Variants in SYNE1 observed in about 807,000 individuals in gnomAD.
SYNE1 encodes the protein spectrin repeat containing nuclear envelope protein 1.
In SYNE1, 616 loss-of-function variants were observed where a neutral mutation model predicts 1,111.0. The ratio of observed to expected loss-of-function variants is 0.55; its 90% CI spans 0.52 to 0.59. SYNE1 has a LOEUF of 0.59. Ranked by LOEUF, SYNE1 falls within the 20% of genes least tolerant of loss-of-function variation. SYNE1 has a pLI of 0.00. For synonymous variants in SYNE1, 3,855 were observed against 3,825.8 expected (o/e 1.01, Z -0.28); for missense variants, 10,006 against 10,417.0 (o/e 0.96, Z 1.72).
chr6:152,580,818 C>T (rs1008723551), intron 3 of SYNE1, among the ~76,000 whole-genome samples: 2 of 152,082 alleles, frequency 1.3e-5, no homozygotes, highest in African/African-American at 2.4e-5. Flanking sequence ...CCAAAATTCC[C>T]GATCCTCAAA....
intron 8 of SYNE1, 39 bp downstream of exon 8, chr6:152,510,154 T>C: frequency 1.2e-6 from 2 of 1,602,036 alleles, no homozygotes; most frequent in South Asian, 2.2e-5. Flanking sequence ...CATAACTCAA[T>C]TTAACGGTTT....
In SYNE1 at chr6:152,471,732, G is replaced by T. The variant is rs758555741; in HGVS notation, c.1497C>A (p.His499Gln). The T allele has an allele frequency of 6.2e-7, 1 of 1,613,832 alleles. No homozygotes were observed. The highest frequency in any genetic ancestry group is 8.5e-7 in the Non-Finnish European group (1 of 1,179,822). The part of the protein sequence containing the change: ...FHFVSSTSEL[H>Q]LMKMEFLELK... ...ATTCTAAAAATTCCATTTTCATTAGGTGTAGCTCTGATGTGGAGGAAACAA... is the reference window on the plus strand; with the variant it reads ...ATTCTAAAAATTCCATTTTCATTAGTTGTAGCTCTGATGTGGAGGAAACAA... The change falls in exon 16 of 146, where the codon CAC becomes CAA. Residue 499 changes from histidine (H) to glutamine (Q), a missense_variant. Physicochemically the swap from His to Gln is conservative, Grantham distance 24 (BLOSUM62 0). Around this residue, in one of 7 missense-constraint regions of SYNE1, gnomAD observed 1,971 missense variants for 2,084.1 expected, o/e 0.95. Transcript: ENST00000367255.
rs764155010 is a variant in SYNE1, at chr6:152,262,181, G to A, written c.18823C>T (p.Pro6275Ser). The change falls in exon 101 of 146, where the codon CCT (proline) becomes TCT (serine). Residue 6275 changes from proline to serine, a missense_variant. Pro to Ser is a moderately conservative substitution (Grantham distance 74). Around this residue, in one of 7 missense-constraint regions of SYNE1, gnomAD observed 2,182 missense variants for 2,287.8 expected, o/e 0.95. Transcript: ENST00000367255. ...AETSGDAGEK[P>S]DVLSQELGME... ...CCCAACTCCTGGGATAACACATCAGGTTTTTCGCTATTAGAAGAATAAATA... is the reference window on the plus strand; with the variant it reads ...CCCAACTCCTGGGATAACACATCAGATTTTTCGCTATTAGAAGAATAAATA... 8 of 1,613,530 alleles carry A rather than the reference G, an allele frequency of 5.0e-6. No individual in the cohort carries two copies. In the Admixed American group the frequency reaches 8.3e-5, roughly 17 times the overall value.
intron 135 of SYNE1, among the ~76,000 whole-genome samples, chr6:152,150,113 A>G (rs2060151180): frequency 6.6e-6 from 1 of 152,250 alleles, no homozygotes; most frequent in Non-Finnish European, 1.5e-5. Flanking sequence ...CATGACTAAG[A>G]GAAGCCATCC....
At chr6:152,610,013 G>A (rs2099626800) in intron 3 of SYNE1, among the ~76,000 whole-genome samples, 1 of 152,122 alleles carries the variant, frequency 6.6e-6, no homozygotes, top group South Asian at 2.1e-4. Flanking sequence ...AAAGACAAAG[G>A]TAGATAAAAC....
chr6:152,468,133 T>C lies in SYNE1; in HGVS notation c.1633-2055A>G, dbSNP rs148506944. ...CATACTTATTTTTGGTATTTAACTT[T>C]AGTGTTAGTGACCGCATTTCTACTT... is the stretch of plus-strand genomic sequence containing the variant. On this transcript the variant is annotated intron_variant, in intron 16 of 145. Coordinates refer to ENST00000367255, the MANE Select transcript of SYNE1 (RefSeq NM_182961.4). Among the ~76,000 whole-genome samples, 59 of 152,292 alleles carry C rather than the reference T, an allele frequency of 3.9e-4. No homozygotes were observed. The East Asian group carries it at 0.011, about 29-fold the overall frequency.
intron 76 of SYNE1, chr6:152,335,224 G>A (rs1467981241): frequency 6.6e-6 from 1 of 152,098 alleles, no homozygotes; most frequent in Non-Finnish European, 1.5e-5. Flanking sequence ...ACTGATATAT[G>A]AAATTTTGTC....
At chr6:152,325,342 G>A in intron 80 of SYNE1, 40 bp from the exon 81 acceptor site, 6 of 1,592,622 alleles carry the variant, frequency 3.8e-6, no homozygotes, top group Non-Finnish European at 5.2e-6. Flanking sequence ...GGAGACAAGG[G>A]AGAGATCAAT....
At chr6:152,155,144 C>T in intron 132 of SYNE1, 102 bp from the exon 133 acceptor site, 1 of 1,438,060 alleles carries the variant, frequency 7.0e-7, no homozygotes, top group Non-Finnish European at 9.7e-7. Flanking sequence ...CCCACAGAGG[C>T]AACTGTTGTG....
At chr6:152,453,290 A>C (rs1305979253) in intron 25 of SYNE1, 1 of 588,478 alleles carries the variant, frequency 1.7e-6, no homozygotes, top group African/African-American at 1.9e-5. Flanking sequence ...AAGCTTATGA[A>C]ATGTTGCTAG....
chr6:152,379,740 CACA>C (rs1303209546), intron 56 of SYNE1, among the ~76,000 whole-genome samples: 2 of 152,202 alleles, frequency 1.3e-5, no homozygotes, highest in Non-Finnish European at 2.9e-5. Flanking sequence ...AACTATTTAA[CACA>C]ACTGAAAACC....
intron 128 of SYNE1, among the ~76,000 whole-genome samples, chr6:152,187,055 T>C (rs1182826898): frequency 6.6e-6 from 1 of 152,218 alleles, no homozygotes; most frequent in African/African-American, 2.4e-5. Flanking sequence ...CTACCCTCTA[T>C]GCGTAAATCC....
intron 2 of SYNE1, among the ~76,000 whole-genome samples, chr6:152,629,155 G>C (rs1018464408): frequency 1.8e-4 from 27 of 152,060 alleles, no homozygotes; most frequent in Non-Finnish European, 3.5e-4. Context: ...AGGCTAGGGT[G>C]GGGTGGGTGA....
rs767727011 is a variant in SYNE1 at position 152,233,880 on chromosome 6, C to A, written c.20613G>T (p.Lys6871Asn). The A allele has an allele frequency of 1.2e-5, 19 of 1,614,006 alleles. No individual in the cohort carries two copies. Among genetic ancestry groups the A allele is most frequent in the African/African-American group, 2.7e-5 (2 of 74,912 alleles). ...CAGAGCGCAGCGTGGCTGTGTCCAC[C>A]TTTTTTAGTCGAAGGAGCTGATTTC... is the stretch of plus-strand genomic sequence containing the variant. ...STGNQLLRLK[K>N]VDTATLRSEL... The change falls in exon 112 of 146, where the codon AAG (lysine) becomes AAT (asparagine). Residue 6871 changes from lysine (K) to asparagine (N), a missense_variant. Physicochemically the swap from Lys to Asn is moderately conservative, Grantham distance 94. This residue lies in a region of SYNE1 where 2,182 missense variants were observed against 2,287.8 expected (regional missense o/e 0.95). Coordinates refer to ENST00000367255, the MANE Select transcript of SYNE1 (RefSeq NM_182961.4).
chr6:152,353,232 T>A (rs779686440), intron 69 of SYNE1, 31 bp downstream of exon 69: 1 of 1,613,898 alleles, frequency 6.2e-7, no homozygotes, highest in East Asian at 2.2e-5. Flanking sequence ...AACGGAAAGG[T>A]TGGATACAAA....
Position 152,455,456 on chromosome 6 carries a change from C to T in SYNE1, c.2862G>A (p.Gly954=). 1.9e-6 allele frequency: 3 copies of T among 1,614,106 alleles called. No homozygotes were observed. Among genetic ancestry groups the T allele is most frequent in the Non-Finnish European group, 2.5e-6 (3 of 1,180,008 alleles). Residue 954 remains glycine (G), a synonymous_variant, in exon 24 of 146, where the codon GGG becomes GGA. Coordinates refer to ENST00000367255, the MANE Select transcript of SYNE1 (RefSeq NM_182961.4). ...GTCTCCGCAGGAGCTCCTCTGGATCCCCCTTTTCCTCCAGGCCCTCCTGAG... is the reference window on the plus strand; with the variant it reads ...GTCTCCGCAGGAGCTCCTCTGGATCTCCCTTTTCCTCCAGGCCCTCCTGAG... ...RIAQEGLEEK[G]DPEELLRRHT... is the part of the protein sequence containing the mutation.
At chr6:152,381,889 A>T (rs1022573269) in intron 55 of SYNE1, among the ~76,000 whole-genome samples, 2 of 152,162 alleles carry the variant, frequency 1.3e-5, no homozygotes, top group Non-Finnish European at 2.9e-5. Context: ...ATACCTCAAT[A>T]CTAAGTAAAC....
chr6:152,359,323 T>G lies in SYNE1; in HGVS notation c.10435A>C (p.Arg3479=). The G allele has an allele frequency of 6.2e-7, 1 of 1,613,996 alleles. No individual in the cohort carries two copies. The highest frequency in any genetic ancestry group is 8.5e-7 in the Non-Finnish European group (1 of 1,179,968). The change falls in exon 65 of 146, where the codon AGG becomes CGG. Residue 3479 remains arginine, a synonymous_variant. Coordinates refer to ENST00000367255, the MANE Select transcript of SYNE1 (RefSeq NM_182961.4). The stretch of plus-strand genomic sequence containing the variant: ...AAAGTGCTTTGCCGTACCTTGGCCC[T>G]CTCTTGGATGGCTCTGTATCGTTCC... ...LQERYRAIQE[R]AKEAVTKSEK...
intron 91 of SYNE1, among the ~76,000 whole-genome samples, chr6:152,302,857 GAGAT>G (rs2095246937): frequency 6.6e-6 from 1 of 151,990 alleles, no homozygotes; most frequent in Non-Finnish European, 1.5e-5. Context: ...TATATTATGA[GAGAT>G]AGAGGTTTTA....
Sources: gnomAD v4.1 joint callset for allele counts (sites outside exome capture counted in the v4.1 genomes callset) on GRCh38, gnomAD v4.1.1 for gene constraint, gnomAD v4.1.1 regional missense constraint, MANE v1.5 for transcripts, NCBI Gene and HGNC (gene_info 2026-07-23, HGNC 2026-07-21) for gene names.